SCN10A: variants seen among roughly 807,000 people sequenced by gnomAD.
SCN10A encodes the protein sodium voltage-gated channel alpha subunit 10.
SCN10A carries 162 observed loss-of-function variants against 170.7 expected under a neutral mutation model. The ratio of observed to expected loss-of-function variants is 0.95; its 90% CI spans 0.84 to 1.08. The LOEUF is 1.08. Ranked by LOEUF, SCN10A falls within the 50% of genes least tolerant of loss-of-function variation. SCN10A has a pLI of 0.00. For missense variants in SCN10A, 2,527 were observed against 2,436.9 expected, an observed-to-expected ratio of 1.04 and a Z score of -0.78; for synonymous variants, 985 against 904.6, an observed-to-expected ratio of 1.09 and a Z score of -1.59.
intron 23 of SCN10A, 111 bp from the exon 24 acceptor site, chr3:38,711,008 C>A: frequency 1.2e-6 from 1 of 848,976 alleles, no homozygotes; most frequent in Admixed American, 2.5e-5. Context: ...TTGGAAAGGG[C>A]TTGTGCAGAA....
intron 4 of SCN10A, among the ~76,000 whole-genome samples, chr3:38,772,322 G>GAAAAAAAAAA (rs147803028): frequency 1.5e-5 from 2 of 133,866 alleles, no homozygotes; most frequent in African/African-American, 5.7e-5. Flanking sequence ...CCAAACAACT[G>GAAAAAAAAAA]AAAAAAAAAA....
At chr3:38,813,890 G>T (rs75644206) in intron 1 of SCN10A, among the ~76,000 whole-genome samples, 1 of 152,200 alleles carries the variant, frequency 6.6e-6, no homozygotes, top group South Asian at 2.1e-4. Context: ...TGTCACATTC[G>T]AATCTTATTC....
intron 8 of SCN10A, among the ~76,000 whole-genome samples, chr3:38,760,034 T>C (rs983291452): frequency 6.6e-6 from 1 of 152,254 alleles, no homozygotes; most frequent in Non-Finnish European, 1.5e-5. Context: ...CTGGGGTAGA[T>C]TATTTATTAA....
rs1185993927 is a variant in SCN10A, at chr3:38,742,386, T to C, written c.2011A>G (p.Ile671Val). The change falls in exon 14 of 28, where the codon ATC becomes GTC. Residue 671 changes from isoleucine to valine, a missense_variant. By Grantham distance (29) the Ile-to-Val change is conservative. Transcript: ENST00000449082. ...LVTDPFAELT[I>V]TLCIVVNTIF... is the part of the protein sequence containing the mutation. ...GTGTTCACCACGATGCACAAGGTGA[T>C]GGTGAGCTCTGCAAAGGGATCCGTC... 8 of 1,614,170 alleles carry C rather than the reference T, an allele frequency of 5.0e-6. No individual in the cohort carries two copies. The highest frequency in any genetic ancestry group is 6.8e-6 in the Non-Finnish European group (8 of 1,180,026).
chr3:38,811,857 T>G (rs2126067017), intron 1 of SCN10A, among the ~76,000 whole-genome samples: 1 of 152,250 alleles, frequency 6.6e-6, no homozygotes, highest in Middle Eastern at 3.4e-3. Flanking sequence ...AAGCTACAAC[T>G]GGAATATACT....
At chr3:38,753,847 A>C (rs562852262) in intron 11 of SCN10A, among the ~76,000 whole-genome samples, 14 of 152,322 alleles carry the variant, frequency 9.2e-5, no homozygotes, top group Non-Finnish European at 1.9e-4. Flanking sequence ...TCTGAGTATA[A>C]GCATTAGAAT....
At chr3:38,735,520 G>A (rs1171217705) in intron 15 of SCN10A, among the ~76,000 whole-genome samples, 1 of 152,240 alleles carries the variant, frequency 6.6e-6, no homozygotes, top group Non-Finnish European at 1.5e-5. Flanking sequence ...AATTACAGCA[G>A]TCCCTAATGG....
intron 26 of SCN10A, among the ~76,000 whole-genome samples, chr3:38,702,446 G>T (rs1453338019): frequency 6.6e-6 from 1 of 152,184 alleles, no homozygotes; most frequent in Non-Finnish European, 1.5e-5. Flanking sequence ...TCCACTTACT[G>T]CATGGAGTGT....
rs960885372 is a variant in SCN10A, at chr3:38,725,165, C to T, written c.3228+9G>A. ...CTGTCCAACCTCTCCAGGAAGCTGA[C>T]ATACCTACCTCAGCAGGGACCTGAG... On this transcript the variant is annotated intron_variant, in intron 18 of 27. Transcript: ENST00000449082. 1.3e-6 allele frequency: 2 copies of T among 1,577,648 alleles called. No homozygotes were observed. Among genetic ancestry groups the T allele is most frequent in the African/African-American group, 1.3e-5 (1 of 74,482 alleles).
At chr3:38,750,970 G>A (rs954146481) in intron 12 of SCN10A, among the ~76,000 whole-genome samples, 6 of 152,170 alleles carry the variant, frequency 3.9e-5, no homozygotes, top group African/African-American at 1.4e-4. Flanking sequence ...GATTCCATTT[G>A]CCCTGGAGAC....
intron 15 of SCN10A, among the ~76,000 whole-genome samples, chr3:38,734,110 C>T (rs747245817): frequency 6.6e-6 from 1 of 152,228 alleles, no homozygotes; most frequent in Non-Finnish European, 1.5e-5. Context: ...CAACCTCTGT[C>T]TCTGGGATTC....
At chr3:38,783,125 T>A (rs767236606) in intron 4 of SCN10A, among the ~76,000 whole-genome samples, 7 of 152,118 alleles carry the variant, frequency 4.6e-5, no homozygotes, top group Non-Finnish European at 1.0e-4. Context: ...CTCTTGTGAC[T>A]TCATTTAACC....
At position 38,780,801 on chromosome 3, in the gene SCN10A, C is replaced by T. The variant is rs535913192; in HGVS notation, c.470+8155G>A. ...AGCAGAGACAACTCAACATCAACAA[C>T]GCATTTGGCCCAGGGATTGCTAACA... On this transcript the variant is annotated intron_variant, in intron 4 of 27. Coordinates refer to ENST00000449082, the MANE Select transcript of SCN10A (RefSeq NM_006514.4). Among the ~76,000 whole-genome samples, 11 of 152,064 alleles carry T rather than the reference C, an allele frequency of 7.2e-5. No individual in the cohort carries two copies. The South Asian group carries it at 8.3e-4, about 11-fold the overall frequency.
intron 4 of SCN10A, among the ~76,000 whole-genome samples, chr3:38,774,930 T>C (rs2064053720): frequency 6.6e-6 from 1 of 152,188 alleles, no homozygotes; most frequent in Non-Finnish European, 1.5e-5. Flanking sequence ...GACCCCCAGC[T>C]GCGTTCCGTG....
chr3:38,725,001 G>A (rs764931376), intron 18 of SCN10A, among the ~76,000 whole-genome samples, 173 bp downstream of exon 18: 1 of 152,136 alleles, frequency 6.6e-6, no homozygotes, highest in African/African-American at 2.4e-5. Context: ...GAAATTGTGC[G>A]GATTAGCCGG....
chr3:38,763,671 C>T, intron 5 of SCN10A, 75 bp from the exon 6 acceptor site: 3 of 1,071,100 alleles, frequency 2.8e-6, no homozygotes, highest in South Asian at 1.3e-5. Context: ...ATAAGGATAA[C>T]CTGGGGTATC....
chr3:38,790,800 T>G (rs1422031315), intron 3 of SCN10A, among the ~76,000 whole-genome samples: 1 of 152,138 alleles, frequency 6.6e-6, no homozygotes, highest in Non-Finnish European at 1.5e-5. Flanking sequence ...TAATCTCTAC[T>G]TCAGAGGCTT....
chr3:38,725,813 C>T (rs1390688330), intron 17 of SCN10A, among the ~76,000 whole-genome samples: 4 of 152,240 alleles, frequency 2.6e-5, no homozygotes, highest in Non-Finnish European at 5.9e-5. Context: ...AGAGTTCATG[C>T]TCTCTGCTGT....
intron 20 of SCN10A, among the ~76,000 whole-genome samples, chr3:38,721,120 G>C (rs547242462): frequency 6.6e-6 from 1 of 152,100 alleles, no homozygotes; most frequent in Non-Finnish European, 1.5e-5. Context: ...GCCTCGTCCC[G>C]CACCTGTGCT....
Sources: allele counts gnomAD v4.1 joint callset (sites outside exome capture counted in the v4.1 genomes callset), GRCh38; gene constraint gnomAD v4.1.1; transcripts MANE v1.5; gene names NCBI Gene and HGNC (gene_info 2026-07-23, HGNC 2026-07-21).